RYR2: variants seen among roughly 807,000 people sequenced by gnomAD.
The protein encoded by RYR2 is ryanodine receptor 2.
A neutral mutation model predicts 601.1 loss-of-function variants in RYR2; 227 were observed. The observed-to-expected ratio is 0.38, with a 90% CI of 0.34 to 0.42. The LOEUF (loss-of-function observed/expected upper bound fraction) is 0.42. Among genes scored for constraint, RYR2 ranks in the 10% least tolerant of loss-of-function variants. The pLI is 1.00. For missense variants in RYR2, 4,646 were observed against 6,156.5 expected (o/e 0.75, Z 8.21); for synonymous variants, 2,223 against 2,175.1 (o/e 1.02, Z -0.61).
intron 34 of RYR2, among the ~76,000 whole-genome samples, chr1:237,599,319 G>C (rs1035385055): frequency 3.3e-5 from 5 of 152,128 alleles, no homozygotes; most frequent in African/African-American, 1.2e-4. Flanking sequence ...AATTGGAAAA[G>C]AAGTCATCAA....
intron 24 of RYR2, among the ~76,000 whole-genome samples, chr1:237,525,343 T>C (rs143430159): frequency 6.6e-6 from 1 of 152,302 alleles, no homozygotes; most frequent in Non-Finnish European, 1.5e-5. Context: ...ATATGTACCA[T>C]ATTTTCTTTT....
chr1:237,492,861 AAGG>A (rs1663543677), intron 18 of RYR2, 90 bp from the exon 19 acceptor site: 1 of 1,281,058 alleles, frequency 7.8e-7, no homozygotes, highest in Non-Finnish European at 1.0e-6. Context: ...GGAAGGAAGG[AAGG>A]AAGGAAGAAG....
intron 27 of RYR2, among the ~76,000 whole-genome samples, chr1:237,564,104 T>G (rs1671728707): frequency 6.6e-6 from 1 of 152,206 alleles, no homozygotes; most frequent in African/African-American, 2.4e-5. Flanking sequence ...CAAATTTTTG[T>G]GTAATTTATA....
intron 1 of RYR2, among the ~76,000 whole-genome samples, chr1:237,146,061 C>T (rs1473962478): frequency 6.6e-6 from 1 of 152,106 alleles, no homozygotes; most frequent in African/African-American, 2.4e-5. Context: ...ATATTGACTG[C>T]AGAGGGACTA....
intron 1 of RYR2, among the ~76,000 whole-genome samples, chr1:237,082,224 G>C (rs913091550): frequency 6.6e-6 from 1 of 152,024 alleles, no homozygotes. Context: ...TGTGAGGTAT[G>C]GGAGGTTAAG....
At chr1:237,356,799 G>A (rs950609619) in intron 4 of RYR2, among the ~76,000 whole-genome samples, 1 of 152,148 alleles carries the variant, frequency 6.6e-6, no homozygotes, top group Non-Finnish European at 1.5e-5. Flanking sequence ...GTCTCCTCAA[G>A]ACTGATATTC....
At chr1:237,452,964 A>G (rs756149852) in intron 14 of RYR2, among the ~76,000 whole-genome samples, 14 of 152,036 alleles carry the variant, frequency 9.2e-5, no homozygotes, top group Non-Finnish European at 1.8e-4. Flanking sequence ...GTTTATTTCA[A>G]TGTAATAACC....
At chr1:237,342,344 G>C (rs1697892650) in intron 3 of RYR2, among the ~76,000 whole-genome samples, 1 of 145,326 alleles carries the variant, frequency 6.9e-6, no homozygotes, top group East Asian at 2.0e-4. Flanking sequence ...GGTAAAGATA[G>C]GTTCTTGGTA....
intron 80 of RYR2, among the ~76,000 whole-genome samples, chr1:237,755,281 TTTTC>T (rs1252113224): frequency 6.6e-6 from 1 of 152,198 alleles, no homozygotes; most frequent in East Asian, 1.9e-4. Context: ...CCAGTGTCTA[TTTTC>T]TGTATTTTGG....
intron 48 of RYR2, 102 bp downstream of exon 48, chr1:237,643,549 A>C: frequency 7.7e-7 from 1 of 1,302,626 alleles, no homozygotes; most frequent in East Asian, 2.3e-5. Flanking sequence ...TCCACTTCCT[A>C]AATTATGTGT....
chr1:237,147,339 A>G (rs755245047), intron 1 of RYR2, among the ~76,000 whole-genome samples: 3 of 152,160 alleles, frequency 2.0e-5, no homozygotes, highest in Non-Finnish European at 4.4e-5. Context: ...CTGTAAGAGG[A>G]AAAGGGTGTG....
At chr1:237,760,361 TAAAAA>T (rs34435442) in intron 83 of RYR2, among the ~76,000 whole-genome samples, 5 of 100,114 alleles carry the variant, frequency 5.0e-5, no homozygotes, top group Non-Finnish European at 7.5e-5. Flanking sequence ...GTCGCTAATT[TAAAAA>T]AAAAAAAAAA....
At position 237,625,283 on chromosome 1, in the gene RYR2, G is replaced by A. The variant is rs1315358391; in HGVS notation, c.6023-378G>A. On this transcript the variant is annotated intron_variant, in intron 39 of 104. Transcript: ENST00000366574. The stretch of plus-strand genomic sequence containing the variant: ...AGGCAAGAGAGGAGAATTAAAGTCT[G>A]TGGGGCATGGTGTAGGCAGGGCTGG... Among the ~76,000 whole-genome samples, 3 of 152,176 alleles carry A rather than the reference G, an allele frequency of 2.0e-5. No homozygotes were observed. The East Asian group carries it at 5.8e-4, about 29-fold the overall frequency.
At chr1:237,670,871 T>A (rs1261184313) in intron 58 of RYR2, among the ~76,000 whole-genome samples, 1 of 152,234 alleles carries the variant, frequency 6.6e-6, no homozygotes, top group Non-Finnish European at 1.5e-5. Context: ...CTCAAAAAGT[T>A]TCTGATTTTG....
chr1:237,742,342 G>C lies in RYR2; in HGVS notation c.11138G>C (p.Ser3713Thr). 6.4e-7 allele frequency: 1 copy of C among 1,570,308 alleles called. No individual in the cohort carries two copies. The highest frequency in any genetic ancestry group is 1.2e-5 in the South Asian group (1 of 85,992). ...GACGATGGTGAAGAGGAAGTGAAGA[G>C]TTTTGAAGTAAGATGGATCTTTCTG... The part of the protein sequence containing the change: ...EDDDGEEEVK[S>T]FEEKEMEKQK... Residue 3713 changes from serine (S) to threonine (T), a missense_variant, in exon 80 of 105, where the codon AGT becomes ACT. Physicochemically the swap from Ser to Thr is moderately conservative, Grantham distance 58. Coordinates refer to ENST00000366574, the MANE Select transcript of RYR2 (RefSeq NM_001035.3).
intron 3 of RYR2, among the ~76,000 whole-genome samples, chr1:237,337,496 GTACAAACTCCCT>G (rs1697356576): frequency 6.6e-6 from 1 of 152,162 alleles, no homozygotes; most frequent in Non-Finnish European, 1.5e-5. Context: ...ATAGATTATA[GTACAAACTCCCT>G]GAGTTCATTT....
chr1:237,226,523 G>GA (rs1339359003), intron 1 of RYR2, among the ~76,000 whole-genome samples: 1 of 152,162 alleles, frequency 6.6e-6, no homozygotes, highest in Non-Finnish European at 1.5e-5. Context: ...AGAGAGCTCA[G>GA]AAAGCAGTAC....
chr1:237,256,329 T>C (rs752172109), intron 1 of RYR2, among the ~76,000 whole-genome samples: 23 of 152,206 alleles, frequency 1.5e-4, no homozygotes, highest in South Asian at 8.3e-4. Flanking sequence ...TTACTCAGTC[T>C]CTGGTATGTC....
At chr1:237,138,177 G>A (rs1371968836) in intron 1 of RYR2, among the ~76,000 whole-genome samples, 16 of 152,154 alleles carry the variant, frequency 1.1e-4, no homozygotes, top group East Asian at 5.8e-4. Context: ...AATTGCAGGC[G>A]TGTGCCACCG....
Sources: allele counts gnomAD v4.1 joint callset (sites outside exome capture counted in the v4.1 genomes callset), GRCh38; gene constraint gnomAD v4.1.1; transcripts MANE v1.5; gene names NCBI Gene and HGNC (gene_info 2026-07-23, HGNC 2026-07-21).